The following F13A1 variants were observed in gnomAD, a reference collection of about 807,000 sequenced individuals.
The protein encoded by F13A1 is coagulation factor XIII A chain, also known as FSF, A subunit.
In F13A1, 47 loss-of-function variants were observed where a neutral mutation model predicts 80.1. The ratio of observed to expected loss-of-function variants is 0.59; its 90% CI spans 0.46 to 0.75. F13A1 has a LOEUF of 0.75. Among genes scored for constraint, F13A1 ranks in the 30% least tolerant of loss-of-function variants. F13A1 has a pLI of 0.00. For missense variants in F13A1, 817 were observed against 930.4 expected (o/e 0.88, Z 1.59); for synonymous variants, 349 against 344.9 (o/e 1.01, Z -0.13).
chr6:6,206,567 T>C (rs1230770833), intron 8 of F13A1: 1 of 505,224 alleles, frequency 2.0e-6, no homozygotes, highest in South Asian at 1.5e-5. Context: ...TCAGGCGCTC[T>C]TTGGAGACAT....
chr6:6,167,427 C>G, intron 13 of F13A1, 31 bp downstream of exon 13: 1 of 1,608,274 alleles, frequency 6.2e-7, no homozygotes, highest in Middle Eastern at 1.7e-4. Context: ...GTGCCTTTGT[C>G]TCTGTTCCAG....
chr6:6,160,106 G>C (rs1310902354), intron 13 of F13A1, among the ~76,000 whole-genome samples: 1 of 151,690 alleles, frequency 6.6e-6, no homozygotes, highest in South Asian at 2.1e-4. Flanking sequence ...GTGAAACCCT[G>C]TCTCTACTAA....
At chr6:6,207,545 C>T (rs562685911) in intron 8 of F13A1, among the ~76,000 whole-genome samples, 1 of 152,258 alleles carries the variant, frequency 6.6e-6, no homozygotes, top group South Asian at 2.1e-4. Context: ...CATAGATAGC[C>T]ACAAACATGT....
In F13A1 at chr6:6,271,585, G is replaced by A. The variant is rs1266859855; in HGVS notation, c.320-4776C>T. Among the ~76,000 whole-genome samples the A allele has an allele frequency of 6.6e-5, 10 of 152,358 alleles. No individual in the cohort carries two copies. In the East Asian group the frequency reaches 1.2e-3, roughly 18 times the overall value. On this transcript the variant is annotated intron_variant, in intron 3 of 14. Transcript: ENST00000264870. ...CAAGAAAAAGACATCGGGAAAGACA[G>A]CATCCAAGAAAGGAATCCCGTTTTG...
intron 3 of F13A1, among the ~76,000 whole-genome samples, chr6:6,293,782 A>AGAGGGAGG (rs575581821): frequency 9.0e-5 from 6 of 66,914 alleles, no homozygotes; most frequent in Non-Finnish European, 1.3e-4. Context: ...AGTGAGAGAG[A>AGAGGGAGG]GAGGGAGGGA....
chr6:6,223,169 CA>C (rs1479115276), intron 7 of F13A1, among the ~76,000 whole-genome samples: 1 of 152,240 alleles, frequency 6.6e-6, no homozygotes, highest in Non-Finnish European at 1.5e-5. Flanking sequence ...CTCCTTCCCC[CA>C]ATTTCCATCT....
chr6:6,231,847 A>G, intron 6 of F13A1, among the ~76,000 whole-genome samples: 1 of 151,808 alleles, frequency 6.6e-6, no homozygotes, highest in East Asian at 1.9e-4. Context: ...TATGAAAGAA[A>G]GATACAGCCT....
chr6:6,252,429 T>C (rs7769134), intron 4 of F13A1, among the ~76,000 whole-genome samples: 14,339 of 152,230 alleles, frequency 0.094, 723 homozygotes, highest in Non-Finnish European at 0.11. Flanking sequence ...ATGTATACTG[T>C]ATATATGTCT....
intron 3 of F13A1, among the ~76,000 whole-genome samples, chr6:6,281,918 C>T (rs896670165): frequency 1.7e-4 from 25 of 145,202 alleles, no homozygotes; most frequent in African/African-American, 5.9e-4. Context: ...GGTATGAACC[C>T]GGGAGGCAGA....
chr6:6,186,619 A>T (rs373007419), intron 10 of F13A1, among the ~76,000 whole-genome samples: 2 of 152,280 alleles, frequency 1.3e-5, no homozygotes, highest in South Asian at 2.1e-4. Context: ...TGTTTTGGTG[A>T]CCGTAGCCTT....
At chr6:6,217,333 G>T (rs915548681) in intron 8 of F13A1, among the ~76,000 whole-genome samples, 1 of 148,904 alleles carries the variant, frequency 6.7e-6, no homozygotes, top group African/African-American at 2.6e-5. Flanking sequence ...ATACACCATG[G>T]AATACTATGC....
intron 11 of F13A1, among the ~76,000 whole-genome samples, chr6:6,179,193 G>A (rs1760935578): frequency 6.6e-6 from 1 of 152,144 alleles, no homozygotes; most frequent in African/African-American, 2.4e-5. Flanking sequence ...GAGCAAAGAG[G>A]GAATGGAATC....
rs550185106 is a variant in F13A1, at chr6:6,195,725, C to A, written c.1305+72G>T. The A allele has an allele frequency of 4.9e-5, 70 of 1,421,958 alleles. No homozygotes were observed. In the South Asian group the frequency reaches 7.7e-4, roughly 16 times the overall value. 88.1% of individuals were successfully genotyped at this position (1,421,958 alleles called of 1,614,324 possible). ...TACCTGGAAAACTTAGAAACAACAACTTTTAGCTTACTCTTTCATGTGTTA... is the reference window on the plus strand; with the variant it reads ...TACCTGGAAAACTTAGAAACAACAAATTTTAGCTTACTCTTTCATGTGTTA... On this transcript the variant is annotated intron_variant, in intron 10 of 14. Transcript: ENST00000264870.
intron 5 of F13A1, 101 bp from the exon 6 acceptor site, chr6:6,248,520 A>G: frequency 1.1e-6 from 1 of 888,364 alleles, no homozygotes. Context: ...ATGTTTAGAA[A>G]TGTGTGTTTC....
chr6:6,221,966 T>C, intron 8 of F13A1, 67 bp downstream of exon 8: 1 of 1,566,958 alleles, frequency 6.4e-7, no homozygotes, highest in South Asian at 1.1e-5. Flanking sequence ...ATTGAGTCTA[T>C]CTTGTGGTAA....
chr6:6,180,666 T>C (rs941314302), intron 11 of F13A1, among the ~76,000 whole-genome samples: 7 of 152,236 alleles, frequency 4.6e-5, no homozygotes, highest in Non-Finnish European at 8.8e-5. Flanking sequence ...CACCTTTGTA[T>C]CTGTGTTGTG....
chr6:6,193,266 C>T (rs969768260), intron 10 of F13A1, among the ~76,000 whole-genome samples: 1 of 152,122 alleles, frequency 6.6e-6, no homozygotes, highest in Non-Finnish European at 1.5e-5. Context: ...GAGACTAAGG[C>T]CCTGGGAACA....
chr6:6,159,162 A>T (rs1219739669), intron 13 of F13A1, among the ~76,000 whole-genome samples: 1 of 151,858 alleles, frequency 6.6e-6, no homozygotes, highest in African/African-American at 2.4e-5. Context: ...CGGCCTCCCA[A>T]AGTGCTGGGA....
intron 2 of F13A1, among the ~76,000 whole-genome samples, chr6:6,307,931 T>C (rs73718719): frequency 2.6e-5 from 4 of 152,214 alleles, no homozygotes; most frequent in Non-Finnish European, 4.4e-5. Context: ...AGTCCTCTTA[T>C]TCATTTTAGC....
Sources: allele counts gnomAD v4.1 joint callset (sites outside exome capture counted in the v4.1 genomes callset), GRCh38; gene constraint gnomAD v4.1.1; transcripts MANE v1.5; gene names NCBI Gene and HGNC (gene_info 2026-07-23, HGNC 2026-07-21).